GRIN2A: variants seen among roughly 807,000 people sequenced by gnomAD.
GRIN2A encodes the protein glutamate ionotropic receptor NMDA type subunit 2A, also known as glutamate receptor ionotropic, NMDA 2A.
GRIN2A carries 22 observed loss-of-function variants against 113.4 expected under a neutral mutation model. The ratio of observed to expected loss-of-function variants is 0.19; its 90% CI spans 0.14 to 0.28. The LOEUF is 0.28. GRIN2A is among the 10% of genes least tolerant of loss of function. The pLI is 1.00. For missense variants in GRIN2A, 1,502 were observed against 1,887.0 expected, an observed-to-expected ratio of 0.80 and a Z score of 3.78; for synonymous variants, 827 against 738.4, an observed-to-expected ratio of 1.12 and a Z score of -1.94.
intron 3 of GRIN2A, among the ~76,000 whole-genome samples, chr16:9,925,531 A>G (rs892560028): frequency 1.3e-5 from 2 of 152,106 alleles, no homozygotes; most frequent in African/African-American, 2.4e-5. Context: ...CCTAGATTCA[A>G]CTTTGTCTCT....
chr16:10,148,560 T>C (rs904940758), intron 2 of GRIN2A, among the ~76,000 whole-genome samples: 1 of 152,198 alleles, frequency 6.6e-6, no homozygotes, highest in African/African-American at 2.4e-5. Context: ...GAATGTGAAA[T>C]GATTTGCTGA....
In GRIN2A at chr16:9,798,311, C is replaced by G; in HGVS notation, c.2322G>C (p.Gln774His). ...CAAACTGAAGCAAGGCCAGGTCGATCTGCCTCTTCCAAGGAGAGCCTTTCT... is the reference window on the plus strand; with the variant it reads ...CAAACTGAAGCAAGGCCAGGTCGATGTGCCTCTTCCAAGGAGAGCCTTTCT... ...ALQKGSPWKR[Q>H]IDLALLQFVG... Residue 774 changes from glutamine to histidine, a missense_variant, in exon 11 of 13, where the codon CAG (glutamine) becomes CAC (histidine). Around this residue, in one of 7 missense-constraint regions of GRIN2A, gnomAD observed 101 missense variants for 240.4 expected, o/e 0.42. Coordinates refer to ENST00000330684, the MANE Select transcript of GRIN2A (RefSeq NM_001134407.3). The G allele has an allele frequency of 6.2e-7, 1 of 1,614,092 alleles. No homozygotes were observed. The highest frequency in any genetic ancestry group is 1.1e-5 in the South Asian group (1 of 91,070).
At chr16:10,131,613 G>C (rs1394054186) in intron 2 of GRIN2A, among the ~76,000 whole-genome samples, 1 of 152,094 alleles carries the variant, frequency 6.6e-6, no homozygotes, top group Non-Finnish European at 1.5e-5. Context: ...TTCTGTGATA[G>C]GCCCTCAGAG....
At chr16:10,113,245 C>A (rs567689430) in intron 2 of GRIN2A, among the ~76,000 whole-genome samples, 2 of 152,150 alleles carry the variant, frequency 1.3e-5, no homozygotes, top group East Asian at 1.9e-4. Context: ...TGCCCCCAGC[C>A]CCCCCAGGAA....
chr16:9,950,689 G>T (rs566140615), intron 2 of GRIN2A, among the ~76,000 whole-genome samples: 1 of 152,194 alleles, frequency 6.6e-6, no homozygotes, highest in African/African-American at 2.4e-5. Context: ...TAGTGCAGTG[G>T]AAGGCGCAAG....
intron 2 of GRIN2A, among the ~76,000 whole-genome samples, chr16:9,988,808 T>C (rs1160214921): frequency 1.3e-5 from 2 of 152,260 alleles, no homozygotes; most frequent in Non-Finnish European, 2.9e-5. Flanking sequence ...CTTTCCACAA[T>C]ACTGCAGGTC....
intron 4 of GRIN2A, among the ~76,000 whole-genome samples, chr16:9,869,172 C>T (rs2043213809): frequency 6.6e-6 from 1 of 152,184 alleles, no homozygotes; most frequent in African/African-American, 2.4e-5. Context: ...CGGTGGCTCA[C>T]ATCTGCAATC....
At chr16:10,003,322 C>G (rs1156616359) in intron 2 of GRIN2A, among the ~76,000 whole-genome samples, 2 of 152,042 alleles carry the variant, frequency 1.3e-5, no homozygotes, top group Non-Finnish European at 2.9e-5. Flanking sequence ...GTGTTCACAG[C>G]AGTAATTACC....
Position 9,764,924 on chromosome 16 carries a change from C to T in GRIN2A, c.2620G>A (p.Val874Met), listed in dbSNP as rs2141138436. The change falls in exon 13 of 13, where the codon GTG becomes ATG. Residue 874 changes from valine (V) to methionine (M), a missense_variant. This residue lies in a region of GRIN2A where 832 missense variants were observed against 789.7 expected (regional missense o/e 1.05). Coordinates refer to ENST00000330684, the MANE Select transcript of GRIN2A (RefSeq NM_001134407.3). ...SRGIYSCIHG[V>M]HIEEKKKSPD... ...GACTTCTTCTTTTCTTCAATGTGCA[C>T]TCCATGAATGCAGCTGTAGATGCCC... 6.2e-7 allele frequency: 1 copy of T among 1,613,868 alleles called. No homozygotes were observed. The highest frequency in any genetic ancestry group is 1.7e-5 in the Admixed American group (1 of 60,032).
At position 9,898,054 on chromosome 16, in the gene GRIN2A, C is replaced by T. The variant is rs971634105; in HGVS notation, c.1008-6954G>A. ...TTAAAATCTACTGAGCCTCCATTTC[C>T]TTTTTTTTTTTTTTTTTTTTTGCAA... On this transcript the variant is annotated intron_variant, in intron 3 of 12. Coordinates refer to ENST00000330684, the MANE Select transcript of GRIN2A (RefSeq NM_001134407.3). 4.1e-3 allele frequency among the ~76,000 whole-genome samples: 445 copies of T among 109,640 alleles called. 2 individuals are homozygous for T. Among genetic ancestry groups the T allele is most frequent in the African/African-American group, 0.013 (388 of 29,530 alleles). The allele number at this position is 109,640 out of a possible 152,430, so 71.9% of individuals were successfully genotyped here.
chr16:10,179,233 C>G (rs916857244), intron 2 of GRIN2A, among the ~76,000 whole-genome samples: 2 of 152,172 alleles, frequency 1.3e-5, no homozygotes, highest in African/African-American at 4.8e-5. Flanking sequence ...ACTTTAGTAC[C>G]AAGACCCATC....
At chr16:9,881,126 C>A (rs1389768939) in intron 4 of GRIN2A, among the ~76,000 whole-genome samples, 1 of 152,150 alleles carries the variant, frequency 6.6e-6, no homozygotes, top group Non-Finnish European at 1.5e-5. Context: ...ACAAAAAAAT[C>A]ATTTAATAAC....
chr16:10,115,229 GT>G lies in GRIN2A; in HGVS notation c.414+64768del, dbSNP rs58520106. On this transcript the variant is annotated intron_variant, in intron 2 of 12. Coordinates refer to ENST00000330684, the MANE Select transcript of GRIN2A (RefSeq NM_001134407.3). ...TTGACCACTCTTTTGCATGATCTAAGTTTTTTTTTTTCAGCTTACTTTGTAA... is the reference window on the plus strand; with the variant it reads ...TTGACCACTCTTTTGCATGATCTAAGTTTTTTTTTTCAGCTTACTTTGTAA... 3.8e-3 allele frequency among the ~76,000 whole-genome samples: 563 copies of G among 149,434 alleles called. 6 individuals are homozygous for G. Among genetic ancestry groups the G allele is most frequent in the East Asian group, 0.028 (144 of 5,136 alleles).
At chr16:9,766,256 T>C (rs955644083) in intron 12 of GRIN2A, among the ~76,000 whole-genome samples, 49 of 152,196 alleles carry the variant, frequency 3.2e-4, no homozygotes, top group Middle Eastern at 3.2e-3. Context: ...TGATTAACTG[T>C]GGACTCTGAT....
intron 2 of GRIN2A, among the ~76,000 whole-genome samples, chr16:10,040,321 A>G (rs1193884630): frequency 6.6e-6 from 1 of 151,740 alleles, no homozygotes; most frequent in Non-Finnish European, 1.5e-5. Flanking sequence ...ACACACATCC[A>G]CACCACACAA....
chr16:10,123,605 T>C (rs1326738338), intron 2 of GRIN2A, among the ~76,000 whole-genome samples: 1 of 151,762 alleles, frequency 6.6e-6, no homozygotes, highest in Non-Finnish European at 1.5e-5. Context: ...TGCACGTGAA[T>C]CGCCGAGGGA....
intron 2 of GRIN2A, among the ~76,000 whole-genome samples, chr16:10,142,311 G>A (rs913618918): frequency 1.3e-5 from 2 of 152,174 alleles, no homozygotes; most frequent in Non-Finnish European, 2.9e-5. Flanking sequence ...TTAGGGAGAC[G>A]AATAAGTTTA....
At chr16:10,092,908 G>T (rs2048208977) in intron 2 of GRIN2A, among the ~76,000 whole-genome samples, 3 of 148,610 alleles carry the variant, frequency 2.0e-5, no homozygotes, top group Admixed American at 1.3e-4. Flanking sequence ...CCACAATCTT[G>T]GCTCACTGCA....
chr16:10,072,456 A>G (rs1022194499), intron 2 of GRIN2A, among the ~76,000 whole-genome samples: 1 of 152,210 alleles, frequency 6.6e-6, no homozygotes, highest in Non-Finnish European at 1.5e-5. Flanking sequence ...AGGAGCTTTA[A>G]AAACTACTGA....
Sources: allele counts gnomAD v4.1 joint callset (sites outside exome capture counted in the v4.1 genomes callset), GRCh38; gene constraint gnomAD v4.1.1; regional missense constraint gnomAD v4.1.1; transcripts MANE v1.5; gene names NCBI Gene and HGNC (gene_info 2026-07-23, HGNC 2026-07-21).